NOX4: variants seen among roughly 807,000 people sequenced by gnomAD.
NOX4 encodes kidney oxidase-1.
A neutral mutation model predicts 87.6 loss-of-function variants in NOX4; 69 were observed. The observed-to-expected ratio is 0.79, with a 90% CI of 0.65 to 0.96. NOX4 has a LOEUF of 0.96. Ranked by LOEUF, NOX4 falls within the 40% of genes least tolerant of loss-of-function variation. The probability of loss-of-function intolerance (pLI) is 0.00; values close to 1 mark genes in which losing one functional copy is unlikely to be tolerated. For missense variants in NOX4, 680 were observed against 681.5 expected (o/e 1.00, Z 0.02); for synonymous variants, 275 against 238.2 (o/e 1.15, Z -1.42).
chr11:89,501,508 G>A (rs1450265515), upstream of NOX4, among the ~76,000 whole-genome samples: 1 of 152,066 alleles, frequency 6.6e-6, no homozygotes, highest in African/African-American at 2.4e-5. Context: ...TGTTTTTGCT[G>A]TGGTTACTCC....
intron 2 of NOX4, among the ~76,000 whole-genome samples, chr11:89,486,243 T>A (rs958771154): frequency 7.7e-6 from 1 of 130,692 alleles, no homozygotes; most frequent in African/African-American, 2.5e-5. Context: ...GAGATTTTTA[T>A]AGTTCTATAC....
chr11:89,327,540 C>T (rs1945271846), intron 17 of NOX4, among the ~76,000 whole-genome samples: 1 of 152,024 alleles, frequency 6.6e-6, no homozygotes, highest in African/African-American at 2.4e-5. Context: ...TAATACGTAT[C>T]TCTAACAAAT....
In NOX4 at chr11:89,335,846, C is replaced by G; in HGVS notation, c.1615G>C (p.Gly539Arg). Residue 539 changes from glycine (G) to arginine (R), a missense_variant and splice_region_variant, in exon 17 of 18, where the codon GGA (glycine) becomes CGA (arginine). Coordinates refer to ENST00000263317, the MANE Select transcript of NOX4 (RefSeq NM_016931.5). ...LFDEIAKYNR[G>R]KTVGVFCCGP... Reference sequence around the variant, plus strand: ...AAATTTTTGAGGTATAGTACTTACCCTCTGTTATATTTTGCTATTTCATCA... The same window carrying G: ...AAATTTTTGAGGTATAGTACTTACCGTCTGTTATATTTTGCTATTTCATCA... 1 of 1,547,278 alleles carries G rather than the reference C, an allele frequency of 6.5e-7. No individual in the cohort carries two copies. Among genetic ancestry groups the G allele is most frequent in the Non-Finnish European group, 8.9e-7 (1 of 1,129,264 alleles).
chr11:89,461,051 TG>T (rs1945438253), intron 2 of NOX4, among the ~76,000 whole-genome samples: 1 of 151,994 alleles, frequency 6.6e-6, no homozygotes, highest in Non-Finnish European at 1.5e-5. Flanking sequence ...AGCAAACTGT[TG>T]CAAGGACAAA....
Position 89,464,041 on chromosome 11 carries a change from A to G in NOX4, c.154-12146T>C, listed in dbSNP as rs971729696. On this transcript the variant is annotated intron_variant, in intron 2 of 17. Transcript: ENST00000263317. Reference sequence around the variant, plus strand: ...ATTTAAAATATATCACCTAAAATCTATAACATAAATTCAGGAATTAAGAGA... The same window carrying G: ...ATTTAAAATATATCACCTAAAATCTGTAACATAAATTCAGGAATTAAGAGA... Among the ~76,000 whole-genome samples, 98 of 152,226 alleles carry G rather than the reference A, an allele frequency of 6.4e-4. 1 individual carries two copies. The highest frequency in any genetic ancestry group is 2.0e-3 in the African/African-American group (84 of 41,574).
chr11:89,392,714 G>GA (rs375667286), intron 11 of NOX4, among the ~76,000 whole-genome samples: 17 of 151,602 alleles, frequency 1.1e-4, no homozygotes, highest in South Asian at 4.1e-4. Context: ...CAGTGAATAT[G>GA]AAAAAAAAGA....
intron 2 of NOX4, among the ~76,000 whole-genome samples, chr11:89,465,849 T>G (rs1003213362): frequency 1.3e-5 from 2 of 152,000 alleles, no homozygotes; most frequent in African/African-American, 4.8e-5. Context: ...TAAATTTGTT[T>G]AAGTTCTTTG....
chr11:89,585,666 C>T, the NOX4 span, among the ~76,000 whole-genome samples: 2 of 152,132 alleles, frequency 1.3e-5, no homozygotes, highest in African/African-American at 4.8e-5. Flanking sequence ...GTGATCAGCC[C>T]CTGCTTTACA....
At chr11:89,459,779 T>A (rs546145272) in intron 2 of NOX4, among the ~76,000 whole-genome samples, 8 of 152,022 alleles carry the variant, frequency 5.3e-5, no homozygotes, top group Non-Finnish European at 1.2e-4. Context: ...AAGTTACCAA[T>A]GACTTTCTTC....
At position 89,421,995 on chromosome 11, in the gene NOX4, A is replaced by G; in HGVS notation, c.549-13T>C. The G allele has an allele frequency of 7.3e-7, 1 of 1,373,228 alleles. No individual in the cohort carries two copies. The highest frequency in any genetic ancestry group is 1.0e-6 in the Non-Finnish European group (1 of 994,410). 85.1% of individuals were successfully genotyped at this position (1,373,228 alleles called of 1,614,324 possible). The stretch of plus-strand genomic sequence containing the variant: ...ATAGTTAGAAACTCTGCAAAAACAA[A>G]TACACTCATTTTAATGCTACTTTAC... On this transcript the variant is annotated splice_polypyrimidine_tract_variant and intron_variant, in intron 7 of 17. Coordinates refer to ENST00000263317, the MANE Select transcript of NOX4 (RefSeq NM_016931.5).
the NOX4 span, among the ~76,000 whole-genome samples, chr11:89,551,264 G>A: frequency 3.1e-4 from 47 of 152,234 alleles, no homozygotes; most frequent in African/African-American, 1.1e-3. Flanking sequence ...TTTTTGCTTA[G>A]GATTGTCTTG....
chr11:89,419,957 AT>A (rs1168125804), intron 8 of NOX4, among the ~76,000 whole-genome samples: 3 of 152,064 alleles, frequency 2.0e-5, no homozygotes, highest in African/African-American at 7.2e-5. Flanking sequence ...TATTTTCTAT[AT>A]CTATCTGATA....
intron 11 of NOX4, among the ~76,000 whole-genome samples, chr11:89,387,740 GC>G (rs1253108560): frequency 6.6e-6 from 1 of 152,150 alleles, no homozygotes; most frequent in Non-Finnish European, 1.5e-5. Flanking sequence ...TTTGTAGGAA[GC>G]ACTAGGTTTC....
At chr11:89,539,946 C>A in the NOX4 span, among the ~76,000 whole-genome samples, 1 of 152,250 alleles carries the variant, frequency 6.6e-6, no homozygotes, top group Admixed American at 6.5e-5. Context: ...ATACCCTCTC[C>A]CTCCCAAGTC....
the NOX4 span, among the ~76,000 whole-genome samples, chr11:89,537,615 C>A: frequency 1.3e-5 from 2 of 151,602 alleles, no homozygotes; most frequent in East Asian, 1.9e-4. Flanking sequence ...ACACTCAGGG[C>A]CCCCCCGAGG....
intron 11 of NOX4, among the ~76,000 whole-genome samples, chr11:89,382,096 C>T (rs116260847): frequency 0.035 from 5,258 of 152,172 alleles, 175 homozygotes; most frequent in East Asian, 0.13. Flanking sequence ...ACCGCAGGGA[C>T]TCCTGCCTTG....
intron 2 of NOX4, among the ~76,000 whole-genome samples, chr11:89,459,532 C>A (rs1475095019): frequency 1.3e-5 from 2 of 152,044 alleles, no homozygotes; most frequent in Admixed American, 6.6e-5. Flanking sequence ...AACAGAGAGC[C>A]AAATCATGAG....
At chr11:89,448,062 C>T (rs990758443) in intron 4 of NOX4, among the ~76,000 whole-genome samples, 2 of 152,156 alleles carry the variant, frequency 1.3e-5, no homozygotes, top group African/African-American at 4.8e-5. Flanking sequence ...CAAATAATGG[C>T]CAGGTGAAAA....
chr11:89,525,822 C>G, the NOX4 span, among the ~76,000 whole-genome samples: 1 of 151,988 alleles, frequency 6.6e-6, no homozygotes. Flanking sequence ...CTTACATTTT[C>G]TTCTATAAAT....
Sources: allele counts gnomAD v4.1 joint callset (sites outside exome capture counted in the v4.1 genomes callset), GRCh38; gene constraint gnomAD v4.1.1; transcripts MANE v1.5; gene names NCBI Gene and HGNC (gene_info 2026-07-23, HGNC 2026-07-21).